Variants in ADGRL2 observed in about 807,000 individuals in gnomAD.
ADGRL2 encodes the protein calcium-independent alpha-latrotoxin receptor 2.
ADGRL2 carries 44 observed loss-of-function variants against 157.4 expected under a neutral mutation model. That is an observed-to-expected ratio of 0.28 (90% CI 0.22 to 0.36). The LOEUF is 0.36. Ranked by LOEUF, ADGRL2 falls within the 10% of genes least tolerant of loss-of-function variation. The pLI, the probability that ADGRL2 is intolerant of heterozygous loss-of-function variation, is 1.00. For missense variants in ADGRL2, 1,510 were observed against 1,768.9 expected (o/e 0.85, Z 2.63); for synonymous variants, 585 against 624.7 (o/e 0.94, Z 0.95).
intron 6 of ADGRL2, among the ~76,000 whole-genome samples, chr1:81,949,092 T>C (rs1650905663): frequency 6.6e-6 from 1 of 152,056 alleles, no homozygotes; most frequent in Non-Finnish European, 1.5e-5. Flanking sequence ...TTGATTTTAT[T>C]AAGATGATTT....
In ADGRL2 at chr1:81,993,071, ATATATATATATATATATTTTTTTTTTTTT is replaced by A. The variant is rs1336713791; in HGVS notation, c.*1928_*1956del. On this transcript the variant is annotated 3_prime_UTR_variant, in exon 24 of 24. Transcript: ENST00000686636. ...ATATATAATATACATATATATATAT[ATATATATATATATATATTTTTTTTTTTTT>A]TTTTTTTTTTTTTTTTTTTGGGACA... Among the ~76,000 whole-genome samples the A allele has an allele frequency of 6.0e-3, 176 of 29,486 alleles. 1 individual carries two copies. The highest frequency in any genetic ancestry group is 0.033 in the African/African-American group (161 of 4,916). 19.3% of individuals were successfully genotyped at this position (29,486 alleles called of 152,430 possible). A position where few individuals can be genotyped will look rare whatever the true frequency, so the allele number is the denominator to read the frequency against.
intron 3 of ADGRL2, among the ~76,000 whole-genome samples, chr1:81,634,657 G>A (rs2082081333): frequency 6.6e-6 from 1 of 151,850 alleles, no homozygotes; most frequent in Non-Finnish European, 1.5e-5. Context: ...CCGAGTAGCT[G>A]GGATTATAGG....
chr1:81,703,463 A>G (rs761371626), intron 1 of ADGRL2, among the ~76,000 whole-genome samples: 1 of 152,040 alleles, frequency 6.6e-6, no homozygotes, highest in Non-Finnish European at 1.5e-5. Context: ...AGAGAGAAGG[A>G]CAGGAAAAGA....
intron 4 of ADGRL2, among the ~76,000 whole-genome samples, chr1:81,941,383 T>C (rs115063378): frequency 0.059 from 8,905 of 151,564 alleles, 390 homozygotes; most frequent in Middle Eastern, 0.14. Context: ...GAGGAGGCTT[T>C]TTTAATGGTT....
chr1:81,699,051 G>T (rs1356103979), upstream of ADGRL2, among the ~76,000 whole-genome samples: 1 of 152,170 alleles, frequency 6.6e-6, no homozygotes, highest in Admixed American at 6.5e-5. Context: ...CATGTATTTG[G>T]TTTGCTATTA....
intron 3 of ADGRL2, among the ~76,000 whole-genome samples, chr1:81,920,536 T>C (rs1557914423): frequency 6.6e-6 from 1 of 152,098 alleles, no homozygotes; most frequent in Non-Finnish European, 1.5e-5. Context: ...CAGCCCCCAG[T>C]GAATCCCAAT....
At chr1:81,883,565 A>G (rs2094043706) in intron 2 of ADGRL2, among the ~76,000 whole-genome samples, 1 of 152,184 alleles carries the variant, frequency 6.6e-6, no homozygotes, top group Non-Finnish European at 1.5e-5. Context: ...TAAGCAATAA[A>G]TTTCATACCA....
At chr1:81,740,382 C>T (rs2085034871) in intron 1 of ADGRL2, among the ~76,000 whole-genome samples, 1 of 152,066 alleles carries the variant, frequency 6.6e-6, no homozygotes, top group African/African-American at 2.4e-5. Flanking sequence ...ATTTAGTAGC[C>T]ATGTCTGAAA....
chr1:81,926,331 A>AG (rs2095105991), intron 3 of ADGRL2, among the ~76,000 whole-genome samples: 1 of 151,990 alleles, frequency 6.6e-6, no homozygotes, highest in African/African-American at 2.4e-5. Context: ...CCACGACAAA[A>AG]GGGTCTGTAA....
intron 3 of ADGRL2, among the ~76,000 whole-genome samples, chr1:81,624,162 T>C (rs1191673495): frequency 6.6e-6 from 1 of 152,202 alleles, no homozygotes; most frequent in Non-Finnish European, 1.5e-5. Context: ...AGACTTCTGT[T>C]ATCCAGAACT....
chr1:81,862,521 C>T (rs1012096407), intron 2 of ADGRL2, among the ~76,000 whole-genome samples: 1 of 152,014 alleles, frequency 6.6e-6, no homozygotes, highest in Non-Finnish European at 1.5e-5. Flanking sequence ...TCTTACATAG[C>T]CTTGTTATAT....
At chr1:81,794,838 A>G (rs141757513) in intron 2 of ADGRL2, among the ~76,000 whole-genome samples, 1 of 152,220 alleles carries the variant, frequency 6.6e-6, no homozygotes, top group Admixed American at 6.5e-5. Flanking sequence ...AATTAGGTTT[A>G]TAACACATTA....
intron 1 of ADGRL2, among the ~76,000 whole-genome samples, chr1:81,310,849 GAAA>G (rs34131503): frequency 5.5e-5 from 7 of 128,016 alleles, no homozygotes; most frequent in African/African-American, 1.2e-4. Flanking sequence ...CTCCTTGAAA[GAAA>G]AAAAAAAAAA....
At chr1:81,549,312 A>C (rs1470079636) in intron 2 of ADGRL2, among the ~76,000 whole-genome samples, 1 of 152,196 alleles carries the variant, frequency 6.6e-6, no homozygotes, top group African/African-American at 2.4e-5. Flanking sequence ...AACTATTCAA[A>C]ACAAAGGAAA....
At chr1:81,322,113 C>CACATATAT (rs1553153271) in intron 1 of ADGRL2, among the ~76,000 whole-genome samples, 100 of 112,064 alleles carry the variant, frequency 8.9e-4, no homozygotes, top group South Asian at 2.8e-3. Flanking sequence ...TATATATACA[C>CACATATAT]ATATATATAT....
chr1:81,546,936 A>G (rs1557447980), intron 2 of ADGRL2, among the ~76,000 whole-genome samples: 1 of 152,132 alleles, frequency 6.6e-6, no homozygotes, highest in Non-Finnish European at 1.5e-5. Context: ...GCCTTTAGTG[A>G]TATTCATTCA....
At chr1:81,739,068 C>A (rs2149214570) in intron 1 of ADGRL2, among the ~76,000 whole-genome samples, 1 of 152,280 alleles carries the variant, frequency 6.6e-6, no homozygotes, top group Non-Finnish European at 1.5e-5. Flanking sequence ...TAACTGTAGA[C>A]AAGGCACTCT....
intron 2 of ADGRL2, among the ~76,000 whole-genome samples, chr1:81,536,631 G>C (rs1570425480): frequency 6.6e-6 from 1 of 151,914 alleles, no homozygotes; most frequent in African/African-American, 2.4e-5. Context: ...TTGTGTCTTT[G>C]TTTCTTTGTC....
intron 3 of ADGRL2, among the ~76,000 whole-genome samples, chr1:81,910,549 A>G (rs1422255466): frequency 6.6e-6 from 1 of 151,578 alleles, no homozygotes; most frequent in East Asian, 1.9e-4. Context: ...CTTCCCACAT[A>G]TAAGTATAAT....
Sources: gnomAD v4.1 joint callset for allele counts (sites outside exome capture counted in the v4.1 genomes callset) on GRCh38, gnomAD v4.1.1 for gene constraint, MANE v1.5 for transcripts, NCBI Gene and HGNC (gene_info 2026-07-23, HGNC 2026-07-21) for gene names.